PKDCC: variants seen among roughly 807,000 people sequenced by gnomAD.
PKDCC encodes protein kinase domain containing, cytoplasmic, also known as extracellular tyrosine-protein kinase PKDCC.
In PKDCC, 35 loss-of-function variants were observed where a neutral mutation model predicts 44.7. The observed-to-expected ratio is 0.78, with a 90% CI of 0.60 to 1.04. PKDCC has a LOEUF of 1.04. PKDCC is among the 50% of genes least tolerant of loss of function. PKDCC has a pLI of 0.00. For synonymous variants in PKDCC, 353 were observed against 303.3 expected, an observed-to-expected ratio of 1.16 and a Z score of -1.70; for missense variants, 738 against 672.7, an observed-to-expected ratio of 1.10 and a Z score of -1.07.
chr2:42,049,961 G>T (rs908860228), intron 1 of PKDCC, among the ~76,000 whole-genome samples: 4 of 152,194 alleles, frequency 2.6e-5, no homozygotes, highest in African/African-American at 7.2e-5. Context: ...CAGCAGAAAT[G>T]ACTGGAAACC....
At position 42,054,878 on chromosome 2, in the gene PKDCC, A is replaced by C. The variant is rs1051094114; in HGVS notation, c.1035-63A>C. The C allele has an allele frequency of 7.5e-6, 11 of 1,473,558 alleles. No individual in the cohort carries two copies. Among genetic ancestry groups the C allele is most frequent in the Non-Finnish European group, 1.0e-5 (11 of 1,052,150 alleles). 91.3% of individuals were successfully genotyped at this position (1,473,558 alleles called of 1,614,324 possible). A position where few individuals can be genotyped will look rare whatever the true frequency, so the allele number is the denominator to read the frequency against. ...AGGTTAGCGTTCTGCCCCAGGTTGG[A>C]ATAGAGGAAGGATGTGTCTCCAAAG... On this transcript the variant is annotated intron_variant, in intron 3 of 6. Transcript: ENST00000294964. This position sits in a 1 kb window ranked among gnomAD's most constrained non-coding sequence, Gnocchi z 6.1.
At position 42,051,065 on chromosome 2, in the gene PKDCC, G is replaced by A. The variant is rs981467337; in HGVS notation, c.640-2174G>A. On this transcript the variant is annotated intron_variant, in intron 1 of 6. Transcript: ENST00000294964. This position sits in a 1 kb window ranked among gnomAD's most constrained non-coding sequence, Gnocchi z 4.2. Reference sequence around the variant, plus strand: ...GAGAACATTTCTAGAGTTCCTAGTGGTGCAGGCTCACCACCCTCCCTCTCT... The same window carrying A: ...GAGAACATTTCTAGAGTTCCTAGTGATGCAGGCTCACCACCCTCCCTCTCT... Among the ~76,000 whole-genome samples, 1 of 152,136 alleles carries A rather than the reference G, an allele frequency of 6.6e-6. No individual in the cohort carries two copies. The highest frequency in any genetic ancestry group is 2.4e-5 in the African/African-American group (1 of 41,410).
chr2:42,056,851 G>T (rs1199723459), intron 5 of PKDCC, among the ~76,000 whole-genome samples: 1 of 152,184 alleles, frequency 6.6e-6, no homozygotes, highest in Admixed American at 6.5e-5. Context: ...AGTTTGAGAA[G>T]CCTGGCTCCA....
At chr2:42,057,496 A>T in intron 6 of PKDCC, 102 bp downstream of exon 6, 2 of 1,561,228 alleles carry the variant, frequency 1.3e-6, no homozygotes, top group South Asian at 1.1e-5. Flanking sequence ...TGCTGAGGTG[A>T]TGAGAGAGAG....
At position 42,054,062 on chromosome 2, in the gene PKDCC, C is replaced by T. The variant is rs1341333248; in HGVS notation, c.789C>T (p.Leu263=). ...FRICLSLGRL[L]HHLAHSPLGS... ...TCTGCCTGAGCCTGGGCCGCCTCCT[C>T]CACCACCTGGCCCACTCCCCACTGG... Residue 263 remains leucine, a synonymous_variant, in exon 3 of 7, where the codon CTC becomes CTT. Transcript: ENST00000294964. The surrounding 1 kb of genome is among the most constrained non-coding windows in gnomAD (Gnocchi z 6.1). 1.9e-6 allele frequency: 3 copies of T among 1,612,070 alleles called. No homozygotes were observed. Among genetic ancestry groups the T allele is most frequent in the Non-Finnish European group, 2.5e-6 (3 of 1,179,790 alleles).
Position 42,048,330 on chromosome 2 carries a change from C to T in PKDCC, c.131C>T (p.Ala44Val). 8.4e-7 allele frequency: 1 copy of T among 1,185,000 alleles called. No homozygotes were observed. The highest frequency in any genetic ancestry group is 1.0e-6 in the Non-Finnish European group (1 of 957,482). The allele number at this position is 1,185,000 out of a possible 1,614,324, so 73.4% of individuals were successfully genotyped here. The part of the protein sequence containing the change: ...RPGQSPEPSP[A>V]PGPGRRGGRG... ...GGCCAGTCCCCTGAGCCTTCGCCGGCCCCGGGTCCGGGCCGTCGCGGGGGC... is the reference window on the plus strand; with the variant it reads ...GGCCAGTCCCCTGAGCCTTCGCCGGTCCCGGGTCCGGGCCGTCGCGGGGGC... The change falls in exon 1 of 7, where the codon GCC becomes GTC. Residue 44 changes from alanine (A) to valine (V), a missense_variant. Transcript: ENST00000294964. The surrounding 1 kb of genome is among the most constrained non-coding windows in gnomAD (Gnocchi z 6.2).
rs1001046189 is a variant in PKDCC at position 42,052,463 on chromosome 2, T to C, written c.640-776T>C. Among the ~76,000 whole-genome samples, 3 of 152,148 alleles carry C rather than the reference T, an allele frequency of 2.0e-5. No individual in the cohort carries two copies. The highest frequency in any genetic ancestry group is 4.8e-5 in the African/African-American group (2 of 41,434). ...AAACAGCATTCTTAGAAAAAACAGA[T>C]TGTGGCCGGGCGCAGTGGCTCACGC... On this transcript the variant is annotated intron_variant, in intron 1 of 6. Transcript: ENST00000294964. This position sits in a 1 kb window ranked among gnomAD's most constrained non-coding sequence, Gnocchi z 4.3.
chr2:42,050,869 G>A (rs1667956474), intron 1 of PKDCC, among the ~76,000 whole-genome samples: 2 of 152,118 alleles, frequency 1.3e-5, no homozygotes, highest in Non-Finnish European at 2.9e-5. Flanking sequence ...TGTCGCTCTG[G>A]CCTCCTAAAC....
chr2:42,048,069 C>A lies in PKDCC; in HGVS notation c.-131C>A. On this transcript the variant is annotated 5_prime_UTR_variant, in exon 1 of 7. Transcript: ENST00000294964. The surrounding 1 kb of genome is among the most constrained non-coding windows in gnomAD (Gnocchi z 6.2). ...CGCCCGCGAGGGGCCGGGGTCGGGGCCGCCGGGGCCATGCGCGCGGGCTGG... is the reference window on the plus strand; with the variant it reads ...CGCCCGCGAGGGGCCGGGGTCGGGGACGCCGGGGCCATGCGCGCGGGCTGG... 2.5e-6 allele frequency: 1 copy of A among 402,232 alleles called. No individual in the cohort carries two copies. The highest frequency in any genetic ancestry group is 3.3e-6 in the Non-Finnish European group (1 of 302,470). The allele number at this position is 402,232 out of a possible 1,614,324, so 24.9% of individuals were successfully genotyped here. A position where few individuals can be genotyped will look rare whatever the true frequency, so the allele number is the denominator to read the frequency against.
Position 42,053,300 on chromosome 2 carries a change from A to G in PKDCC, c.701A>G (p.Glu234Gly). Residue 234 changes from glutamate (E) to glycine (G), a missense_variant, in exon 2 of 7, where the codon GAG becomes GGG. Transcript: ENST00000294964. Reference protein sequence around the residue: ...DIPDTLTTITELGAPVEMIQL... With the variant: ...DIPDTLTTITGLGAPVEMIQL... ...CCAGACACCCTGACCACCATCACGG[A>G]GCTGGGCGCCCCTGTAGAAATGATC... 6.2e-7 allele frequency: 1 copy of G among 1,613,606 alleles called. No homozygotes were observed. Among genetic ancestry groups the G allele is most frequent in the Non-Finnish European group, 8.5e-7 (1 of 1,179,840 alleles).
chr2:42,053,188 T>A, intron 1 of PKDCC, 51 bp from the exon 2 acceptor site: 2 of 1,287,314 alleles, frequency 1.6e-6, no homozygotes, highest in Non-Finnish European at 2.2e-6. Context: ...AGCCCTTCCC[T>A]GTCCCCACCC....
In PKDCC at chr2:42,048,418, G is replaced by T. The variant is rs1037137619; in HGVS notation, c.219G>T (p.Gly73=). ...AGGAGGTGCAGCGCTATTCCCGCGGGGGCCCCGGGCCCGGGGCGGGCCGGC... is the reference window on the plus strand; with the variant it reads ...AGGAGGTGCAGCGCTATTCCCGCGGTGGCCCCGGGCCCGGGGCGGGCCGGC... ...RYEEVQRYSR[G]GPGPGAGRPE... The change falls in exon 1 of 7, where the codon GGG becomes GGT. Residue 73 remains glycine (G), a synonymous_variant. Coordinates refer to ENST00000294964, the MANE Select transcript of PKDCC (RefSeq NM_138370.3). The surrounding 1 kb of genome is among the most constrained non-coding windows in gnomAD (Gnocchi z 6.2). The T allele has an allele frequency of 8.8e-7, 1 of 1,138,530 alleles. No individual in the cohort carries two copies. Among genetic ancestry groups the T allele is most frequent in the Non-Finnish European group, 1.1e-6 (1 of 930,752 alleles). 70.5% of individuals were successfully genotyped at this position (1,138,530 alleles called of 1,614,324 possible). A position where few individuals can be genotyped will look rare whatever the true frequency, so the allele number is the denominator to read the frequency against.
Position 42,051,343 on chromosome 2 carries a change from C to T in PKDCC, c.640-1896C>T, listed in dbSNP as rs1316288066. Among the ~76,000 whole-genome samples the T allele has an allele frequency of 2.6e-5, 4 of 151,858 alleles. No individual in the cohort carries two copies. The highest frequency in any genetic ancestry group is 5.9e-5 in the Non-Finnish European group (4 of 67,924). On this transcript the variant is annotated intron_variant, in intron 1 of 6. Transcript: ENST00000294964. This position sits in a 1 kb window ranked among gnomAD's most constrained non-coding sequence, Gnocchi z 4.2. ...TCCCCTCAACCTCTCCCCACCTCCCCCTCCCCCAGTCATCCTGGGGCCCCC... is the reference window on the plus strand; with the variant it reads ...TCCCCTCAACCTCTCCCCACCTCCCTCTCCCCCAGTCATCCTGGGGCCCCC...
chr2:42,057,438 T>C (rs747398831), intron 6 of PKDCC, 44 bp downstream of exon 6: 1 of 1,610,254 alleles, frequency 6.2e-7, no homozygotes, highest in Non-Finnish European at 8.5e-7. Context: ...TGGCAGGACC[T>C]CTCTGGAGGT....
chr2:42,057,602 G>A lies in PKDCC; in HGVS notation c.1397-1G>A. 1 of 1,613,624 alleles carries A rather than the reference G, an allele frequency of 6.2e-7. No individual in the cohort carries two copies. The highest frequency in any genetic ancestry group is 8.5e-7 in the Non-Finnish European group (1 of 1,179,870). ...TGTTACCTCTCACCTCTGCCCCCCA[G>A]GTCGGCAGCTGGTCTTTTTCAAGAC... On this transcript the variant is annotated splice_acceptor_variant, in intron 6 of 6. Transcript: ENST00000294964. LOFTEE classifies it high-confidence loss of function.
rs764171614 is a variant in PKDCC at position 42,057,945 on chromosome 2, T to G, written c.*257T>G. The G allele has an allele frequency of 3.7e-5, 19 of 509,670 alleles. No individual in the cohort carries two copies. Among genetic ancestry groups the G allele is most frequent in the South Asian group, 7.5e-5 (3 of 39,982 alleles). 31.6% of individuals were successfully genotyped at this position (509,670 alleles called of 1,614,324 possible). A position where few individuals can be genotyped will look rare whatever the true frequency, so the allele number is the denominator to read the frequency against. On this transcript the variant is annotated 3_prime_UTR_variant, in exon 7 of 7. Transcript: ENST00000294964. ...GGGTATGACTGCCTCTCCAACCCTG[T>G]GGGCTGTAAGCAAGCTCAGGCTAGT... is the stretch of plus-strand genomic sequence containing the variant.
chr2:42,053,489 G>C, intron 2 of PKDCC, 128 bp downstream of exon 2: 1 of 1,308,124 alleles, frequency 7.6e-7, no homozygotes, highest in Non-Finnish European at 1.0e-6. Flanking sequence ...AGGCGCACAG[G>C]CTGACTCAGC....
Position 42,052,520 on chromosome 2 carries a change from A to G in PKDCC, c.640-719A>G, listed in dbSNP as rs1384293351. On this transcript the variant is annotated intron_variant, in intron 1 of 6. Coordinates refer to ENST00000294964, the MANE Select transcript of PKDCC (RefSeq NM_138370.3). This position sits in a 1 kb window ranked among gnomAD's most constrained non-coding sequence, Gnocchi z 4.3. ...TCCCAACATTTTGGGAGGCCAAGGT[A>G]GGCAGATCACTTGAGGTCGGCAGTT... Among the ~76,000 whole-genome samples the G allele has an allele frequency of 6.6e-6, 1 of 152,182 alleles. No individual in the cohort carries two copies. Among genetic ancestry groups the G allele is most frequent in the Admixed American group, 6.5e-5 (1 of 15,286 alleles).
At chr2:42,050,557 C>A (rs2103924696) in intron 1 of PKDCC, among the ~76,000 whole-genome samples, 1 of 152,260 alleles carries the variant, frequency 6.6e-6, no homozygotes, top group African/African-American at 2.4e-5. Context: ...TGACGGTCCT[C>A]CTCTGAAATG....
Sources: gnomAD v4.1 joint callset for allele counts (sites outside exome capture counted in the v4.1 genomes callset) on GRCh38, gnomAD v4.1.1 for gene constraint, Gnocchi (gnomAD v3.1) non-coding constraint, MANE v1.5 for transcripts, NCBI Gene and HGNC (gene_info 2026-07-23, HGNC 2026-07-21) for gene names.